Variants in P3H3 observed in about 807,000 individuals in gnomAD.
P3H3 encodes gene rich cluster, B.
A neutral mutation model predicts 78.1 loss-of-function variants in P3H3; 64 were observed. The observed-to-expected ratio is 0.82, with a 90% CI of 0.67 to 1.01. The LOEUF (loss-of-function observed/expected upper bound fraction) is 1.01, where lower values mean the gene tolerates loss of function less well. P3H3 is among the 50% of genes least tolerant of loss of function. The probability of loss-of-function intolerance (pLI) is 0.00; values close to 1 mark genes in which losing one functional copy is unlikely to be tolerated. For missense variants in P3H3, 975 were observed against 982.2 expected, an observed-to-expected ratio of 0.99 and a Z score of 0.10; for synonymous variants, 425 against 416.7, an observed-to-expected ratio of 1.02 and a Z score of -0.24.
rs782296105 is a variant in P3H3, at chr12:6,830,705, G to A, written c.920G>A (p.Arg307His). ...CVGETATRPGRSFPVPDFLPN... is the reference protein window; with the variant it reads ...CVGETATRPGHSFPVPDFLPN... ...GGGGAAACAGCCACACGCCCTGGTC[G>A]CAGCTTCCCTGTCCCAGACTTCCTT... Residue 307 changes from arginine to histidine, a missense_variant, in exon 4 of 15, where the codon CGC becomes CAC. By Grantham distance (29) the Arg-to-His change is conservative (BLOSUM62 0). Coordinates refer to ENST00000290510, the MANE Select transcript of P3H3 (RefSeq NM_014262.5). 7.4e-6 allele frequency: 12 copies of A among 1,613,756 alleles called. No homozygotes were observed. Among genetic ancestry groups the A allele is most frequent in the South Asian group, 4.4e-5 (4 of 91,068 alleles).
chr12:6,828,997 T>C, intron 1 of P3H3, 59 bp downstream of exon 1: 2 of 1,009,944 alleles, frequency 2.0e-6, no homozygotes, highest in Non-Finnish European at 1.3e-6. Flanking sequence ...GCTGTCCTAC[T>C]TTGCGTTGCC....
chr12:6,828,722 C>T lies in P3H3; in HGVS notation c.282C>T (p.Leu94=), dbSNP rs1175719379. Residue 94 remains leucine (L), a synonymous_variant, in exon 1 of 15, where the codon CTC becomes CTT. Coordinates refer to ENST00000290510, the MANE Select transcript of P3H3 (RefSeq NM_014262.5). ...DPGAALPAVL[L]GAPEPDSGPG... is the part of the protein sequence containing the mutation. ...GCGCCGCGCTCCCCGCCGTGCTTCT[C>T]GGGGCCCCGGAGCCCGACTCCGGGC... 1 of 1,246,666 alleles carries T rather than the reference C, an allele frequency of 8.0e-7. No individual in the cohort carries two copies. Among genetic ancestry groups the T allele is most frequent in the African/African-American group, 1.6e-5 (1 of 64,316 alleles). 77.2% of individuals were successfully genotyped at this position (1,246,666 alleles called of 1,614,324 possible).
In P3H3 at chr12:6,831,615, C is replaced by G. The variant is rs1276911719; in HGVS notation, c.1123-210C>G. On this transcript the variant is annotated intron_variant, in intron 5 of 14. Transcript: ENST00000290510. This position sits in a 1 kb window ranked among gnomAD's most constrained non-coding sequence, Gnocchi z 4.6. Reference sequence around the variant, plus strand: ...CAGCCCCCAAACTCATGCATACACACACCCACACACTCACACACACTCCCA... The same window carrying G: ...CAGCCCCCAAACTCATGCATACACAGACCCACACACTCACACACACTCCCA... Among the ~76,000 whole-genome samples, 1 of 152,112 alleles carries G rather than the reference C, an allele frequency of 6.6e-6. No homozygotes were observed. The highest frequency in any genetic ancestry group is 1.5e-5 in the Non-Finnish European group (1 of 68,022).
chr12:6,831,398 CAAAT>C lies in P3H3; in HGVS notation c.1122+48_1122+51del, dbSNP rs1565511911. 5 of 1,610,094 alleles carry C rather than the reference CAAAT, an allele frequency of 3.1e-6. No homozygotes were observed. Among genetic ancestry groups the C allele is most frequent in the Non-Finnish European group, 4.2e-6 (5 of 1,179,200 alleles). On this transcript the variant is annotated intron_variant, in intron 5 of 14. Transcript: ENST00000290510. This position sits in a 1 kb window ranked among gnomAD's most constrained non-coding sequence, Gnocchi z 4.6. ...ACCTGGGAGGTAGCCCCAAATCAAA[CAAAT>C]AGACCTGAGAAGTAACCTGGACCCC... is the stretch of plus-strand genomic sequence containing the variant.
Position 6,830,647 on chromosome 12 carries a change from A to G in P3H3, c.862A>G (p.Ile288Val), listed in dbSNP as rs1555121237. Reference sequence around the variant, plus strand: ...ATGGGTTTCCTCTGCAGGACACTGGATTCAGGTCCTGCAGTGCCGGCAACG... The same window carrying G: ...ATGGGTTTCCTCTGCAGGACACTGGGTTCAGGTCCTGCAGTGCCGGCAACG... Reference protein sequence around the residue: ...GLYEAIAGHWIQVLQCRQRCV... With the variant: ...GLYEAIAGHWVQVLQCRQRCV... The change falls in exon 4 of 15, where the codon ATT (isoleucine) becomes GTT (valine). Residue 288 changes from isoleucine to valine, a missense_variant. Physicochemically the swap from Ile to Val is conservative, Grantham distance 29 (BLOSUM62 3). Coordinates refer to ENST00000290510, the MANE Select transcript of P3H3 (RefSeq NM_014262.5). The G allele has an allele frequency of 1.2e-6, 2 of 1,612,070 alleles. No individual in the cohort carries two copies. The highest frequency in any genetic ancestry group is 1.3e-5 in the African/African-American group (1 of 74,954).
rs1555121265 is a variant in P3H3 at position 6,830,709 on chromosome 12, C to G, written c.924C>G (p.Ser308Arg). 1.2e-6 allele frequency: 2 copies of G among 1,613,814 alleles called. No individual in the cohort carries two copies. The highest frequency in any genetic ancestry group is 3.3e-5 in the Admixed American group (2 of 59,998). ...VGETATRPGR[S>R]FPVPDFLPNQ... The stretch of plus-strand genomic sequence containing the variant: ...AAACAGCCACACGCCCTGGTCGCAG[C>G]TTCCCTGTCCCAGACTTCCTTCCCA... Residue 308 changes from serine (S) to arginine (R), a missense_variant, in exon 4 of 15, where the codon AGC (serine) becomes AGG (arginine). Ser to Arg is a moderately radical substitution (Grantham distance 110). Transcript: ENST00000290510.
chr12:6,828,474 C>T lies in P3H3; in HGVS notation c.34C>T (p.Leu12=). ...LRLLRPLLLL[L]LLPPPGSPEP... The stretch of plus-strand genomic sequence containing the variant: ...GCTCCTCCGGCCGCTGCTGCTACTG[C>T]TGCTGCTGCCTCCCCCGGGGTCCCC... Residue 12 remains leucine (L), a synonymous_variant, in exon 1 of 15, where the codon CTG becomes TTG. Coordinates refer to ENST00000290510, the MANE Select transcript of P3H3 (RefSeq NM_014262.5). The T allele has an allele frequency of 7.9e-7, 1 of 1,267,848 alleles. No homozygotes were observed. Among genetic ancestry groups the T allele is most frequent in the Non-Finnish European group, 1.1e-6 (1 of 942,446 alleles). The allele number at this position is 1,267,848 out of a possible 1,614,324, so 78.5% of individuals were successfully genotyped here.
In P3H3 at chr12:6,839,090, C is replaced by T. The variant is rs781800691; in HGVS notation, c.1996C>T (p.Arg666Cys). 30 of 1,610,410 alleles carry T rather than the reference C, an allele frequency of 1.9e-5. No individual in the cohort carries two copies. The highest frequency in any genetic ancestry group is 2.1e-5 in the Non-Finnish European group (25 of 1,179,330). ...GGTGTGGGCCGTGACTCGGGGACGG[C>T]GCTGTGCCCTGGCACTGTGGCACAC... is the stretch of plus-strand genomic sequence containing the variant. Reference protein sequence around the residue: ...HGVWAVTRGRRCALALWHTWA... With the variant: ...HGVWAVTRGRCCALALWHTWA... The change falls in exon 14 of 15, where the codon CGC becomes TGC. Residue 666 changes from arginine to cysteine, a missense_variant. Arg to Cys is a radical substitution (Grantham distance 180, BLOSUM62 -3). Transcript: ENST00000290510.
chr12:6,837,430 G>T lies in P3H3; in HGVS notation c.1568G>T (p.Arg523Leu). The change falls in exon 11 of 15, where the codon CGG becomes CTG. Residue 523 changes from arginine to leucine, a missense_variant. By Grantham distance (102) the Arg-to-Leu change is moderately radical (BLOSUM62 -2). Transcript: ENST00000290510. ...LTVLKAAQLARAGTVGSQGAK... is the reference protein window; with the variant it reads ...LTVLKAAQLALAGTVGSQGAK... ...GCCTTTCACTGCCTGCAGCTGGCCC[G>T]GGCTGGGACAGTGGGCAGTCAGGGT... 1.2e-6 allele frequency: 2 copies of T among 1,610,496 alleles called. No individual in the cohort carries two copies. Among genetic ancestry groups the T allele is most frequent in the East Asian group, 2.2e-5 (1 of 44,734 alleles).
chr12:6,834,034 G>A lies in P3H3; in HGVS notation c.1443G>A (p.Leu481=). The A allele has an allele frequency of 6.2e-7, 1 of 1,613,578 alleles. No homozygotes were observed. Among genetic ancestry groups the A allele is most frequent in the Non-Finnish European group, 8.5e-7 (1 of 1,179,856 alleles). The change falls in exon 9 of 15, where the codon CTG becomes CTA. Residue 481 remains leucine (L), a synonymous_variant. Transcript: ENST00000290510. ...GLLTPAECGV[L]LQLAKDAAGA... ...TCACCCCAGCCGAGTGTGGGGTGCTGCTGCAGCTGGCTAAGGTAGGAAGAC... is the reference window on the plus strand; with the variant it reads ...TCACCCCAGCCGAGTGTGGGGTGCTACTGCAGCTGGCTAAGGTAGGAAGAC...
intron 9 of P3H3, among the ~76,000 whole-genome samples, chr12:6,834,563 C>A (rs781997467): frequency 5.3e-5 from 8 of 152,260 alleles, no homozygotes; most frequent in South Asian, 4.1e-4. Context: ...ATAGACTCTG[C>A]CCTTTGGGAG....
chr12:6,837,348 T>C (rs782754755), intron 10 of P3H3, 75 bp from the exon 11 acceptor site: 81 of 1,530,296 alleles, frequency 5.3e-5, no homozygotes, highest in Non-Finnish European at 6.7e-5. Flanking sequence ...AGCGGCAGAG[T>C]TGGGCAGGGG....
chr12:6,830,930 T>C (rs1555121327), intron 4 of P3H3, 160 bp downstream of exon 4: 1 of 1,086,814 alleles, frequency 9.2e-7, no homozygotes, highest in Non-Finnish European at 1.4e-6. Flanking sequence ...TGCCCTCCTT[T>C]GGCGCCTGTG....
chr12:6,837,279 AG>A (rs1565514206), intron 10 of P3H3, 143 bp from the exon 11 acceptor site: 2 of 1,188,842 alleles, frequency 1.7e-6, no homozygotes, highest in Non-Finnish European at 2.3e-6. Context: ...AGAGAGAAGG[AG>A]CAGTTTGGGC....
chr12:6,838,778 A>C (rs191962700), intron 13 of P3H3, among the ~76,000 whole-genome samples: 51 of 152,074 alleles, frequency 3.4e-4, no homozygotes, highest in African/African-American at 1.1e-3. Flanking sequence ...ATCCGTGGAG[A>C]CCCCTTTTTC....
At chr12:6,830,590 C>T in intron 3 of P3H3, 36 bp downstream of exon 3, 1 of 1,587,184 alleles carries the variant, frequency 6.3e-7, no homozygotes, top group Non-Finnish European at 8.6e-7. Context: ...GGGTCGGTGC[C>T]CAGGGAGGGG....
At chr12:6,830,244 GAGGGA>G (rs1943433611) in intron 2 of P3H3, 104 bp from the exon 3 acceptor site, 2 of 1,123,010 alleles carry the variant, frequency 1.8e-6, no homozygotes, top group African/African-American at 3.1e-5. Context: ...CCACGGTGAA[GAGGGA>G]CATGGAGTCC....
chr12:6,830,602 A>G (rs782472192), intron 3 of P3H3, 37 bp from the exon 4 acceptor site: 13 of 1,596,116 alleles, frequency 8.1e-6, no homozygotes, highest in Non-Finnish European at 1.1e-5. Flanking sequence ...AGGGAGGGGC[A>G]TGAACAAGCT....
Position 6,829,559 on chromosome 12 carries a change from A to C in P3H3, c.499-300A>C. 1 of 402,350 alleles carries C rather than the reference A, an allele frequency of 2.5e-6. No homozygotes were observed. The highest frequency in any genetic ancestry group is 4.5e-6 in the Non-Finnish European group (1 of 220,518). 24.9% of individuals were successfully genotyped at this position (402,350 alleles called of 1,614,324 possible). A position where few individuals can be genotyped will look rare whatever the true frequency, so the allele number is the denominator to read the frequency against. ...TCTCCCCCACTTCCCCACCTCACTT[A>C]AGCCATCACTTCCACCTGGTCTCCC... On this transcript the variant is annotated intron_variant, in intron 1 of 14. Transcript: ENST00000290510. The surrounding 1 kb of genome is among the most constrained non-coding windows in gnomAD (Gnocchi z 5.1).
Sources: allele counts gnomAD v4.1 joint callset (sites outside exome capture counted in the v4.1 genomes callset), GRCh38; gene constraint gnomAD v4.1.1; non-coding constraint Gnocchi (gnomAD v3.1); transcripts MANE v1.5; gene names NCBI Gene and HGNC (gene_info 2026-07-23, HGNC 2026-07-21).